Variants in FRMD5 observed in about 807,000 individuals in gnomAD.
FRMD5 encodes FERM domain-containing protein 5.
FRMD5 carries 20 observed loss-of-function variants against 69.0 expected under a neutral mutation model. The ratio of observed to expected loss-of-function variants is 0.29; its 90% CI spans 0.20 to 0.42. The LOEUF is 0.42. Among genes scored for constraint, FRMD5 ranks in the 10% least tolerant of loss-of-function variants. The probability of loss-of-function intolerance (pLI) is 1.00; values close to 1 mark genes in which losing one functional copy is unlikely to be tolerated. For synonymous variants in FRMD5, 271 were observed against 260.1 expected, an observed-to-expected ratio of 1.04 and a Z score of -0.40; for missense variants, 595 against 708.6, an observed-to-expected ratio of 0.84 and a Z score of 1.82.
At chr15:44,102,984 A>AG (rs2076661401) in intron 1 of FRMD5, among the ~76,000 whole-genome samples, 1 of 152,254 alleles carries the variant, frequency 6.6e-6, no homozygotes, top group South Asian at 2.1e-4. Context: ...GCCTACACTC[A>AG]TAACCTTGGG....
chr15:44,012,762 T>G (rs1180623148), intron 1 of FRMD5, among the ~76,000 whole-genome samples: 6 of 108,572 alleles, frequency 5.5e-5, no homozygotes, highest in Non-Finnish European at 9.3e-5. Flanking sequence ...AGTTATTGGG[T>G]TTTTTTTTTT....
At chr15:43,877,224 T>C (rs1298923279) in intron 13 of FRMD5, among the ~76,000 whole-genome samples, 1 of 152,198 alleles carries the variant, frequency 6.6e-6, no homozygotes, top group East Asian at 1.9e-4. Flanking sequence ...CCTGAAATAG[T>C]CCCTGACAAT....
intron 1 of FRMD5, among the ~76,000 whole-genome samples, chr15:44,058,703 G>T (rs1411959530): frequency 1.3e-5 from 2 of 150,502 alleles, no homozygotes; most frequent in Non-Finnish European, 1.5e-5. Flanking sequence ...GGAGAATGGC[G>T]TGAACCTGGA....
chr15:43,939,606 G>A (rs2089826675), intron 1 of FRMD5, among the ~76,000 whole-genome samples: 1 of 151,998 alleles, frequency 6.6e-6, no homozygotes, highest in Admixed American at 6.6e-5. Context: ...CACCCAGGCT[G>A]GAGTGTCGTG....
At chr15:44,045,544 T>A (rs1048435269) in intron 1 of FRMD5, among the ~76,000 whole-genome samples, 1 of 152,218 alleles carries the variant, frequency 6.6e-6, no homozygotes, top group Non-Finnish European at 1.5e-5. Context: ...CCTATGTACA[T>A]ACTTGTATAT....
At chr15:44,013,406 T>C (rs1475182659) in intron 1 of FRMD5, among the ~76,000 whole-genome samples, 1 of 152,160 alleles carries the variant, frequency 6.6e-6, no homozygotes, top group African/African-American at 2.4e-5. Context: ...TCATGAGCAT[T>C]TTCTCACTGA....
At chr15:43,892,243 A>T (rs1291151787) in intron 7 of FRMD5, among the ~76,000 whole-genome samples, 174 bp from the exon 8 acceptor site, 1 of 152,234 alleles carries the variant, frequency 6.6e-6, no homozygotes, top group Non-Finnish European at 1.5e-5. Context: ...GCCACTTGCC[A>T]GCCGCATGAC....
At chr15:44,003,656 C>T (rs1052671297) in intron 1 of FRMD5, among the ~76,000 whole-genome samples, 3 of 152,110 alleles carry the variant, frequency 2.0e-5, no homozygotes, top group South Asian at 2.1e-4. Context: ...TTACTTCCTT[C>T]AAGTGTTCAA....
At chr15:44,018,636 A>C (rs1412475879) in intron 1 of FRMD5, among the ~76,000 whole-genome samples, 4 of 152,186 alleles carry the variant, frequency 2.6e-5, no homozygotes, top group Non-Finnish European at 4.4e-5. Context: ...GTCTGACTCA[A>C]GGAGTGAGAC....
intron 1 of FRMD5, among the ~76,000 whole-genome samples, chr15:44,139,727 C>CAAAAAAAA (rs71111842): frequency 6.9e-4 from 50 of 72,044 alleles, no homozygotes; most frequent in Non-Finnish European, 7.6e-4. Flanking sequence ...CCAGTCTCTA[C>CAAAAAAAA]AAAAAAAAAA....
At chr15:43,933,398 T>C (rs1396648834) in intron 1 of FRMD5, among the ~76,000 whole-genome samples, 1 of 152,196 alleles carries the variant, frequency 6.6e-6, no homozygotes, top group African/African-American at 2.4e-5. Context: ...CTTGTTAAAA[T>C]ACAGATTGCT....
intron 1 of FRMD5, among the ~76,000 whole-genome samples, chr15:44,078,597 A>G (rs1893868073): frequency 6.6e-6 from 1 of 152,162 alleles, no homozygotes; most frequent in East Asian, 1.9e-4. Flanking sequence ...GACCAAAGGA[A>G]TAAAATAGAG....
intron 13 of FRMD5, among the ~76,000 whole-genome samples, chr15:43,876,753 G>C (rs539304996): frequency 7.9e-5 from 12 of 152,306 alleles, no homozygotes; most frequent in Admixed American, 3.3e-4. Context: ...GGGGGCATGG[G>C]AGTAGTCCCT....
chr15:44,129,525 T>G (rs1293819948), intron 1 of FRMD5, among the ~76,000 whole-genome samples: 2 of 152,206 alleles, frequency 1.3e-5, no homozygotes, highest in Non-Finnish European at 2.9e-5. Context: ...AGGCACTTTT[T>G]TTTTAATTTA....
intron 1 of FRMD5, among the ~76,000 whole-genome samples, chr15:44,004,952 A>G (rs1166755195): frequency 1.3e-5 from 2 of 152,244 alleles, no homozygotes; most frequent in African/African-American, 4.8e-5. Context: ...CAGGAAAGTA[A>G]AACAGTCTTC....
intron 1 of FRMD5, among the ~76,000 whole-genome samples, chr15:44,014,831 A>G (rs1302661375): frequency 6.6e-6 from 1 of 152,250 alleles, no homozygotes; most frequent in Non-Finnish European, 1.5e-5. Context: ...CCTGAAAGCT[A>G]TATGAGCATT....
chr15:44,141,506 A>G (rs1490710344), intron 1 of FRMD5, among the ~76,000 whole-genome samples: 2 of 152,224 alleles, frequency 1.3e-5, no homozygotes, highest in African/African-American at 4.8e-5. Flanking sequence ...TTAGCTATGC[A>G]TAAGGCAAAT....
intron 4 of FRMD5, among the ~76,000 whole-genome samples, chr15:43,913,814 G>A (rs1434857693): frequency 6.6e-6 from 1 of 152,196 alleles, no homozygotes; most frequent in East Asian, 1.9e-4. Context: ...TTCTGACTCG[G>A]CCCATGGTAA....
intron 1 of FRMD5, among the ~76,000 whole-genome samples, chr15:44,159,051 G>A (rs2077571940): frequency 6.6e-6 from 1 of 151,758 alleles, no homozygotes; most frequent in African/African-American, 2.4e-5. Flanking sequence ...ACCAAGCCTA[G>A]AGAGATCCTT....
Sources: gnomAD v4.1 joint callset for allele counts (sites outside exome capture counted in the v4.1 genomes callset) on GRCh38, gnomAD v4.1.1 for gene constraint, MANE v1.5 for transcripts, NCBI Gene and HGNC (gene_info 2026-07-23, HGNC 2026-07-21) for gene names.